The following GPR174 variants were observed in gnomAD, a reference collection of about 807,000 sequenced individuals.
GPR174 encodes the protein G protein-coupled receptor 174.
A neutral mutation model predicts 16.5 loss-of-function variants in GPR174; 8 were observed. The ratio of observed to expected loss-of-function variants is 0.48; its 90% CI spans 0.28 to 0.87. The LOEUF is 0.87. GPR174 is among the 40% of genes least tolerant of loss of function. The pLI, the probability that GPR174 is intolerant of heterozygous loss-of-function variation, is 0.09. For missense variants in GPR174, 214 were observed against 247.5 expected (o/e 0.86, Z 0.91); for synonymous variants, 111 against 94.8 (o/e 1.17, Z -0.99).
chrX:79,145,518 G>C (rs1168466592), intron 1 of GPR174, among the ~76,000 whole-genome samples: 1 of 111,725 alleles, frequency 9.0e-6, no homozygotes. Context: ...ATAGTCCTGT[G>C]AACATTTGCA....
intron 2 of GPR174, among the ~76,000 whole-genome samples, chrX:79,160,604 T>C (rs934296976): frequency 8.9e-6 from 1 of 111,840 alleles, no homozygotes; most frequent in Non-Finnish European, 1.9e-5. Context: ...ACTCATTGTC[T>C]CAGGCTAAAG....
chrX:79,167,041 G>A (rs1435732577), intron 2 of GPR174, among the ~76,000 whole-genome samples: 1 of 111,804 alleles, frequency 8.9e-6, no homozygotes, highest in Non-Finnish European at 1.9e-5. Flanking sequence ...TAGTGGCCTT[G>A]GAGGACAGGC....
chrX:79,164,787 C>G (rs913980169), intron 2 of GPR174, among the ~76,000 whole-genome samples: 1 of 111,354 alleles, frequency 9.0e-6, no homozygotes, highest in Non-Finnish European at 1.9e-5. Context: ...AAAATTAATA[C>G]AAGTCTAGCA....
chrX:79,145,524 T>G (rs1926482445), intron 1 of GPR174, among the ~76,000 whole-genome samples: 1 of 111,878 alleles, frequency 8.9e-6, no homozygotes, highest in Non-Finnish European at 1.9e-5. Context: ...CTGTGAACAT[T>G]TGCAATTTAA....
Position 79,173,395 on chromosome X carries a change from A to C in GPR174, c.*1386A>C, listed in dbSNP as rs1314706729. 8.9e-6 allele frequency: 1 copy of C among 112,277 alleles called. No homozygotes were observed. Among genetic ancestry groups the C allele is most frequent in the African/African-American group, 3.2e-5 (1 of 30,919 alleles). 9.3% of individuals were successfully genotyped at this position (112,277 alleles called of 1,213,427 possible). A position where few individuals can be genotyped will look rare whatever the true frequency, so the allele number is the denominator to read the frequency against. On this transcript the variant is annotated 3_prime_UTR_variant, in exon 3 of 3. Transcript: ENST00000645147. ...AGGATATTAGTCGTAATTAAACCTT[A>C]GGTTGTAAGTATTAGAATATTTTGA...
chrX:79,162,681 C>A (rs895776361), intron 2 of GPR174, among the ~76,000 whole-genome samples: 12 of 111,744 alleles, frequency 1.1e-4, no homozygotes, highest in East Asian at 5.6e-4. Flanking sequence ...AAAGTCTATT[C>A]TAATTGTTGC....
At chrX:79,168,194 C>T (rs762283806) in intron 2 of GPR174, among the ~76,000 whole-genome samples, 17 of 111,856 alleles carry the variant, frequency 1.5e-4, no homozygotes, top group African/African-American at 3.3e-4. Context: ...CTTTGATATA[C>T]GTGCACACAG....
chrX:79,151,501 G>A (rs777295118), intron 1 of GPR174, among the ~76,000 whole-genome samples: 1 of 111,311 alleles, frequency 9.0e-6, no homozygotes, highest in East Asian at 2.8e-4. Flanking sequence ...TTCAAACCCA[G>A]TTCTGTTGAT....
intron 1 of GPR174, among the ~76,000 whole-genome samples, chrX:79,149,840 G>C (rs868170392): frequency 3.7e-5 from 1 of 27,130 alleles, no homozygotes; most frequent in East Asian, 1.0e-3. Flanking sequence ...TTTTTTTTTT[G>C]CCATGAAATT....
chrX:79,158,942 C>G (rs1283495969), intron 2 of GPR174, among the ~76,000 whole-genome samples: 2 of 108,977 alleles, frequency 1.8e-5, no homozygotes, highest in Non-Finnish European at 3.8e-5. Context: ...AATGGAAACT[C>G]CATTCTCCAT....
rs143836279 is a variant in GPR174 at position 79,146,760 on chromosome X, T to A, written c.-654+1543T>A. On this transcript the variant is annotated intron_variant, in intron 1 of 2. Coordinates refer to ENST00000645147, the MANE Select transcript of GPR174 (RefSeq NM_032553.3). ...ACTGCTCCCAATATGTCACTGAATT[T>A]CACCTGAAGACCCCTAGGAATGAAT... is the stretch of plus-strand genomic sequence containing the variant. 3.4e-3 allele frequency among the ~76,000 whole-genome samples: 380 copies of A among 111,894 alleles called. 3 individuals carry two copies. The highest frequency in any genetic ancestry group is 0.012 in the African/African-American group (368 of 30,784).
intron 1 of GPR174, among the ~76,000 whole-genome samples, chrX:79,147,094 C>G (rs1386840852): frequency 8.9e-6 from 1 of 111,807 alleles, no homozygotes. Context: ...GCCCTTGTCA[C>G]TTTCAGAGCA....
chrX:79,168,943 G>A (rs1225375210), intron 2 of GPR174, among the ~76,000 whole-genome samples: 1 of 110,999 alleles, frequency 9.0e-6, no homozygotes, highest in African/African-American at 3.3e-5. Context: ...ACCTGGACAA[G>A]CAACCAGAGA....
intron 1 of GPR174, among the ~76,000 whole-genome samples, chrX:79,151,269 G>A (rs888217234): frequency 1.8e-5 from 2 of 111,415 alleles, no homozygotes; most frequent in South Asian, 7.5e-4. Flanking sequence ...AACTACATTT[G>A]CTTTCTCCAT....
chrX:79,157,544 C>T (rs779635408), intron 2 of GPR174, among the ~76,000 whole-genome samples: 14 of 111,897 alleles, frequency 1.3e-4, no homozygotes, highest in African/African-American at 4.5e-4. Flanking sequence ...TCTCATCCAG[C>T]ACCCACCGGC....
intron 2 of GPR174, among the ~76,000 whole-genome samples, chrX:79,168,245 T>C (rs1387372119): frequency 9.0e-6 from 1 of 111,694 alleles, no homozygotes; most frequent in African/African-American, 3.3e-5. Context: ...TGCAGCACAC[T>C]AGGTCTGCTT....
In GPR174 at chrX:79,171,026, T is replaced by C; in HGVS notation, c.19T>C (p.Cys7Arg). Residue 7 changes from cysteine to arginine, a missense_variant, in exon 3 of 3, where the codon TGT becomes CGT. Coordinates refer to ENST00000645147, the MANE Select transcript of GPR174 (RefSeq NM_032553.3). ...GAGAATCATGCCTGCTAATTACACG[T>C]GTACCAGGCCAGATGGAGACAATAC... Reference protein sequence around the residue: MPANYTCTRPDGDNTDF... With the variant: MPANYTRTRPDGDNTDF... The C allele has an allele frequency of 8.3e-7, 1 of 1,198,361 alleles. No individual in the cohort carries two copies. The highest frequency in any genetic ancestry group is 1.8e-5 in the South Asian group (1 of 54,274).
Position 79,170,718 on chromosome X carries a change from G to C in GPR174, c.-290G>C, listed in dbSNP as rs190488259. On this transcript the variant is annotated 5_prime_UTR_variant, in exon 3 of 3. Transcript: ENST00000645147. ...GAATAAGCTCTCATGATGTCCCAGAGGGCCTTAAAATAAACAAGAGGGGAA... is the reference window on the plus strand; with the variant it reads ...GAATAAGCTCTCATGATGTCCCAGACGGCCTTAAAATAAACAAGAGGGGAA... 2 of 305,382 alleles carry C rather than the reference G, an allele frequency of 6.5e-6. No individual in the cohort carries two copies. Among genetic ancestry groups the C allele is most frequent in the Admixed American group, 1.2e-4 (2 of 17,387 alleles). The allele number at this position is 305,382 out of a possible 1,213,427, so 25.2% of individuals were successfully genotyped here.
Position 79,171,445 on chromosome X carries a change from C to T in GPR174, c.438C>T (p.Cys146=), listed in dbSNP as rs1022147695. The change falls in exon 3 of 3, where the codon TGC becomes TGT. Residue 146 remains cysteine, a synonymous_variant. Transcript: ENST00000645147. ...GCATTGCTGGCTGGCTGATCATCTG[C>T]CTTGCCTGTGTACTCTTTCCACTCC... ...YISIAGWLII[C]LACVLFPLLR... The T allele has an allele frequency of 8.3e-7, 1 of 1,209,323 alleles. No homozygotes were observed. Among genetic ancestry groups the T allele is most frequent in the African/African-American group, 1.8e-5 (1 of 57,078 alleles).
Sources: allele counts gnomAD v4.1 joint callset (sites outside exome capture counted in the v4.1 genomes callset), GRCh38; gene constraint gnomAD v4.1.1; transcripts MANE v1.5; gene names NCBI Gene and HGNC (gene_info 2026-07-23, HGNC 2026-07-21).